The following FOCAD variants were observed in gnomAD, a reference collection of about 807,000 sequenced individuals.
FOCAD encodes focadhesin, also known as KIAA1797.
In FOCAD, 198 loss-of-function variants were observed where a neutral mutation model predicts 225.6. The ratio of observed to expected loss-of-function variants is 0.88; its 90% CI spans 0.78 to 0.99. The LOEUF (loss-of-function observed/expected upper bound fraction) is 0.99. Among genes scored for constraint, FOCAD ranks in the 50% least tolerant of loss-of-function variants. The probability of loss-of-function intolerance (pLI) is 0.00; values close to 1 mark genes in which losing one functional copy is unlikely to be tolerated. For missense variants in FOCAD, 2,713 were observed against 2,123.6 expected, an observed-to-expected ratio of 1.28 and a Z score of -5.46; for synonymous variants, 897 against 755.0, an observed-to-expected ratio of 1.19 and a Z score of -3.08.
Position 20,929,485 on chromosome 9 carries a change from T to C in FOCAD, c.3206T>C (p.Leu1069Pro). Residue 1069 changes from leucine (L) to proline (P), a missense_variant, in exon 27 of 44, where the codon CTG (leucine) becomes CCG (proline). Leu to Pro is a moderately conservative substitution (Grantham distance 98). Coordinates refer to ENST00000338382, the MANE Select transcript of FOCAD (RefSeq NM_001375567.1). ...AAGGTTGAGGAAATCCTGAACATGC[T>C]GACTGCCAGGTTACCTGGGAAACCA... The part of the protein sequence containing the change: ...KEKVEEILNM[L>P]TARLPGKPSA... The C allele has an allele frequency of 1.9e-6, 3 of 1,614,182 alleles. No individual in the cohort carries two copies. Among genetic ancestry groups the C allele is most frequent in the Non-Finnish European group, 2.5e-6 (3 of 1,180,036 alleles).
At position 20,946,838 on chromosome 9, in the gene FOCAD, G is replaced by A; in HGVS notation, c.3675+18G>A. The A allele has an allele frequency of 6.2e-7, 1 of 1,611,856 alleles. No homozygotes were observed. On this transcript the variant is annotated intron_variant, in intron 30 of 43. Coordinates refer to ENST00000338382, the MANE Select transcript of FOCAD (RefSeq NM_001375567.1). ...GCCAGCAGGTTGGAACGTGTGCCCT[G>A]ATTATTTCTCTCTGTGGGTCTCATG...
upstream of FOCAD, among the ~76,000 whole-genome samples, chr9:20,682,307 G>A (rs915106004): frequency 6.6e-6 from 1 of 152,168 alleles, no homozygotes; most frequent in African/African-American, 2.4e-5. Flanking sequence ...TCTTTAAATG[G>A]GCATTTCCCT....
intron 5 of FOCAD, among the ~76,000 whole-genome samples, chr9:20,752,928 A>T (rs1828702125): frequency 6.7e-6 from 1 of 148,854 alleles, no homozygotes; most frequent in South Asian, 2.2e-4. Context: ...GCAATTGGGA[A>T]TGGGAGTTCA....
intron 5 of FOCAD, among the ~76,000 whole-genome samples, chr9:20,755,673 A>G (rs1828983827): frequency 6.6e-6 from 1 of 152,208 alleles, no homozygotes; most frequent in African/African-American, 2.4e-5. Flanking sequence ...AAGTGCCACC[A>G]TTATCTGGAA....
chr9:20,866,570 T>G (rs1829276287), intron 17 of FOCAD, among the ~76,000 whole-genome samples: 1 of 152,022 alleles, frequency 6.6e-6, no homozygotes, highest in African/African-American at 2.4e-5. Context: ...AGGATAAAAA[T>G]TTAGTATTTT....
At chr9:20,891,584 G>A (rs1229430262) in intron 21 of FOCAD, among the ~76,000 whole-genome samples, 4 of 152,198 alleles carry the variant, frequency 2.6e-5, no homozygotes, top group Non-Finnish European at 5.9e-5. Context: ...TTAAGCCAAA[G>A]TCTAATCTAG....
intron 15 of FOCAD, among the ~76,000 whole-genome samples, chr9:20,848,958 TC>T (rs1398670466): frequency 6.6e-6 from 1 of 151,986 alleles, no homozygotes; most frequent in Admixed American, 6.6e-5. Flanking sequence ...GATTTGCATT[TC>T]TGGTGAAATG....
At chr9:20,750,954 G>C (rs1026229997) in intron 5 of FOCAD, among the ~76,000 whole-genome samples, 7 of 151,970 alleles carry the variant, frequency 4.6e-5, no homozygotes, top group African/African-American at 1.7e-4. Context: ...GGGTGGCTTG[G>C]GTTATACAGT....
At chr9:20,815,434 T>G (rs1460278622) in intron 11 of FOCAD, among the ~76,000 whole-genome samples, 1 of 151,668 alleles carries the variant, frequency 6.6e-6, no homozygotes, top group African/African-American at 2.4e-5. Context: ...CACGAGCCAC[T>G]GCACCCGGCC....
chr9:20,680,686 G>C (rs1437846491), upstream of FOCAD, among the ~76,000 whole-genome samples: 1 of 152,160 alleles, frequency 6.6e-6, no homozygotes, highest in Non-Finnish European at 1.5e-5. Flanking sequence ...CATATTAGCA[G>C]CTAGCCATGG....
At chr9:20,801,670 G>A (rs1012278418) in intron 11 of FOCAD, among the ~76,000 whole-genome samples, 2 of 152,102 alleles carry the variant, frequency 1.3e-5, no homozygotes, top group Non-Finnish European at 2.9e-5. Context: ...ATACATATCT[G>A]GATGTGCTGT....
At chr9:20,764,617 A>G (rs959150321) in intron 6 of FOCAD, among the ~76,000 whole-genome samples, 3 of 152,232 alleles carry the variant, frequency 2.0e-5, no homozygotes, top group Admixed American at 2.0e-4. Context: ...CTAATGTGCA[A>G]ATAGAGACTG....
At chr9:20,878,483 T>G (rs1830408911) in intron 19 of FOCAD, among the ~76,000 whole-genome samples, 1 of 152,190 alleles carries the variant, frequency 6.6e-6, no homozygotes, top group African/African-American at 2.4e-5. Flanking sequence ...ACTTTCGAAC[T>G]TCTTTCACCA....
At chr9:20,802,332 A>G (rs1412322955) in intron 11 of FOCAD, among the ~76,000 whole-genome samples, 1 of 152,126 alleles carries the variant, frequency 6.6e-6, no homozygotes, top group Non-Finnish European at 1.5e-5. Flanking sequence ...ATATTGGAGA[A>G]TCAAATAGCA....
At chr9:20,714,207 T>C (rs371237818) in intron 1 of FOCAD, among the ~76,000 whole-genome samples, 3 of 152,146 alleles carry the variant, frequency 2.0e-5, no homozygotes, top group East Asian at 1.9e-4. Flanking sequence ...AATCTGAAAA[T>C]CCAAAGTGCT....
At chr9:20,975,422 A>C (rs1365207176) in intron 35 of FOCAD, among the ~76,000 whole-genome samples, 1 of 152,184 alleles carries the variant, frequency 6.6e-6, no homozygotes, top group Non-Finnish European at 1.5e-5. Context: ...CACTTCTAGA[A>C]CGGTCACCAT....
chr9:20,711,740 T>C (rs1824868627), intron 1 of FOCAD, among the ~76,000 whole-genome samples: 1 of 152,206 alleles, frequency 6.6e-6, no homozygotes, highest in Admixed American at 6.5e-5. Flanking sequence ...TGTCCCTAAT[T>C]TCTGGTGTTT....
intron 2 of FOCAD, among the ~76,000 whole-genome samples, chr9:20,673,564 T>G (rs892478753): frequency 1.3e-5 from 2 of 152,164 alleles, no homozygotes; most frequent in Non-Finnish European, 2.9e-5. Context: ...TGAAGAAATA[T>G]CTATACATTT....
intron 11 of FOCAD, among the ~76,000 whole-genome samples, chr9:20,818,587 A>G (rs933864613): frequency 2.6e-5 from 4 of 152,084 alleles, no homozygotes; most frequent in African/African-American, 9.7e-5. Flanking sequence ...ATGTGGATAT[A>G]CAGTTGTTGA....
Sources: gnomAD v4.1 joint callset for allele counts (sites outside exome capture counted in the v4.1 genomes callset) on GRCh38, gnomAD v4.1.1 for gene constraint, MANE v1.5 for transcripts, NCBI Gene and HGNC (gene_info 2026-07-23, HGNC 2026-07-21) for gene names.